PAK1: variants seen among roughly 807,000 people sequenced by gnomAD.
The protein encoded by PAK1 is p21 (RAC1) activated kinase 1.
A neutral mutation model predicts 67.4 loss-of-function variants in PAK1; 29 were observed. The observed-to-expected ratio is 0.43, with a 90% CI of 0.32 to 0.59. The LOEUF is 0.59. Among genes scored for constraint, PAK1 ranks in the 20% least tolerant of loss-of-function variants. The pLI, the probability that PAK1 is intolerant of heterozygous loss-of-function variation, is 0.07. For synonymous variants in PAK1, 223 were observed against 237.4 expected (o/e 0.94, Z 0.56); for missense variants, 337 against 670.7 (o/e 0.50, Z 5.50).
chr11:77,458,692 T>A (rs1957185369), intron 1 of PAK1, among the ~76,000 whole-genome samples: 1 of 152,126 alleles, frequency 6.6e-6, no homozygotes, highest in Non-Finnish European at 1.5e-5. Flanking sequence ...AATGTTTGAG[T>A]GGGGGCTAAT....
At chr11:77,457,520 C>T (rs910327447) in intron 1 of PAK1, among the ~76,000 whole-genome samples, 4 of 152,130 alleles carry the variant, frequency 2.6e-5, no homozygotes, top group Admixed American at 1.3e-4. Flanking sequence ...CATTAATTGG[C>T]ATAAACAGCT....
At chr11:77,453,297 T>C (rs1054454881) in intron 1 of PAK1, among the ~76,000 whole-genome samples, 1 of 151,948 alleles carries the variant, frequency 6.6e-6, no homozygotes, top group African/African-American at 2.4e-5. Flanking sequence ...GAGGTTTCAG[T>C]GAGCCGAGAT....
At chr11:77,348,808 T>TAAG (rs1944806390) in intron 9 of PAK1, among the ~76,000 whole-genome samples, 1 of 152,188 alleles carries the variant, frequency 6.6e-6, no homozygotes, top group Non-Finnish European at 1.5e-5. Flanking sequence ...CTATTTGGCT[T>TAAG]TTGTATGCTA....
At chr11:77,483,748 G>A in the PAK1 span, among the ~76,000 whole-genome samples, 1 of 152,214 alleles carries the variant, frequency 6.6e-6, no homozygotes, top group Non-Finnish European at 1.5e-5. Flanking sequence ...CATATGGAAG[G>A]TGCTAATGTG....
chr11:77,472,220 A>G (rs768536299), intron 1 of PAK1, among the ~76,000 whole-genome samples: 2 of 152,214 alleles, frequency 1.3e-5, no homozygotes, highest in Non-Finnish European at 2.9e-5. Context: ...CATGTAGTTA[A>G]AGAGTATGGA....
intron 1 of PAK1, among the ~76,000 whole-genome samples, chr11:77,417,473 G>T (rs779109018): frequency 2.6e-5 from 4 of 152,188 alleles, no homozygotes; most frequent in Non-Finnish European, 4.4e-5. Flanking sequence ...AAAGGTTGGG[G>T]TTAGTGGTTA....
intron 1 of PAK1, among the ~76,000 whole-genome samples, chr11:77,425,928 A>G (rs956463357): frequency 1.3e-5 from 2 of 152,082 alleles, no homozygotes; most frequent in African/African-American, 2.4e-5. Context: ...ATGATCACAT[A>G]GCCTGGGTGA....
At chr11:77,476,162 C>G (rs1409321907), upstream of PAK1, 3 of 152,368 alleles carry the variant, frequency 2.0e-5, no homozygotes, top group African/African-American at 4.8e-5. Flanking sequence ...AAGAGCAAAA[C>G]TCTGTCTCAA....
chr11:77,325,442 T>TATA, intron 14 of PAK1: 1 of 1,530,776 alleles, frequency 6.5e-7, no homozygotes, highest in African/African-American at 1.4e-5. Flanking sequence ...ATAAAGTGCT[T>TATA]AGTGCCTAAA....
At chr11:77,454,383 C>A (rs1359627037) in intron 1 of PAK1, among the ~76,000 whole-genome samples, 2 of 152,174 alleles carry the variant, frequency 1.3e-5, no homozygotes, top group Non-Finnish European at 2.9e-5. Flanking sequence ...TTATATCTCA[C>A]AACCACCACC....
chr11:77,513,739 C>G, the PAK1 span, among the ~76,000 whole-genome samples: 1 of 139,462 alleles, frequency 7.2e-6, no homozygotes, highest in African/African-American at 2.7e-5. Context: ...TGTGCACGGA[C>G]AAAGCAATAG....
At chr11:77,497,663 ACTCAGCAGCATG>A in the PAK1 span, among the ~76,000 whole-genome samples, 9 of 152,352 alleles carry the variant, frequency 5.9e-5, no homozygotes, top group African/African-American at 2.2e-4. Context: ...ATTCCATCCA[ACTCAGCAGCATG>A]TAGGGAGTCA....
upstream of PAK1, chr11:77,474,153 C>T (rs1958011273): frequency 6.6e-6 from 1 of 152,184 alleles, no homozygotes; most frequent in African/African-American, 2.4e-5. Context: ...CTCCTCCCGC[C>T]TCCTCCTCCC....
At chr11:77,435,060 A>G (rs1194688794) in intron 1 of PAK1, among the ~76,000 whole-genome samples, 1 of 151,450 alleles carries the variant, frequency 6.6e-6, no homozygotes, top group Non-Finnish European at 1.5e-5. Context: ...CACTATGCCC[A>G]GCCAAGACAA....
chr11:77,444,412 G>C (rs909185171), intron 1 of PAK1, among the ~76,000 whole-genome samples: 2 of 152,018 alleles, frequency 1.3e-5, no homozygotes, highest in African/African-American at 4.8e-5. Flanking sequence ...AGTTTCCCGG[G>C]TGTGGTCATG....
chr11:77,326,549 G>C (rs578146156), intron 14 of PAK1, among the ~76,000 whole-genome samples: 1 of 152,250 alleles, frequency 6.6e-6, no homozygotes, highest in African/African-American at 2.4e-5. Context: ...GGCAGGTATG[G>C]TGGTGCACGC....
At chr11:77,460,205 AAAG>A (rs1449965209) in intron 1 of PAK1, among the ~76,000 whole-genome samples, 2 of 151,652 alleles carry the variant, frequency 1.3e-5, no homozygotes, top group East Asian at 3.9e-4. Flanking sequence ...AGAGAAAAAG[AAAG>A]AAGGAAAGAA....
chr11:77,487,068 G>A, the PAK1 span, among the ~76,000 whole-genome samples: 1 of 152,124 alleles, frequency 6.6e-6, no homozygotes, highest in Non-Finnish European at 1.5e-5. Context: ...GAGAGGAGAG[G>A]GAAAAGTAAA....
At chr11:77,328,879 A>C (rs1267754768) in intron 14 of PAK1, among the ~76,000 whole-genome samples, 1 of 152,208 alleles carries the variant, frequency 6.6e-6, no homozygotes, top group Non-Finnish European at 1.5e-5. Flanking sequence ...AAATTGATAG[A>C]CCGCTAGCAA....
Sources: gnomAD v4.1 joint callset for allele counts (sites outside exome capture counted in the v4.1 genomes callset) on GRCh38, gnomAD v4.1.1 for gene constraint, MANE v1.5 for transcripts, NCBI Gene and HGNC (gene_info 2026-07-23, HGNC 2026-07-21) for gene names.